PNPLA7: variants seen among roughly 807,000 people sequenced by gnomAD.
The protein encoded by PNPLA7 is patatin-like phospholipase domain-containing protein 7.
PNPLA7 carries 153 observed loss-of-function variants against 161.7 expected under a neutral mutation model. The ratio of observed to expected loss-of-function variants is 0.95; its 90% CI spans 0.83 to 1.08. The LOEUF (loss-of-function observed/expected upper bound fraction) is 1.08. Among genes scored for constraint, PNPLA7 ranks in the 50% least tolerant of loss-of-function variants. PNPLA7 has a pLI of 0.00. For synonymous variants in PNPLA7, 809 were observed against 782.1 expected (o/e 1.03, Z -0.57); for missense variants, 1,739 against 1,856.6 (o/e 0.94, Z 1.16).
At chr9:137,496,066 G>A (rs1220239974) in intron 18 of PNPLA7, among the ~76,000 whole-genome samples, 2 of 151,780 alleles carry the variant, frequency 1.3e-5, no homozygotes, top group African/African-American at 2.4e-5. Context: ...TGAAGGCCAC[G>A]CTGTCCCCAG....
rs529421114 is a variant in PNPLA7 at position 137,525,545 on chromosome 9, A to G, written c.748-2688T>C. Among the ~76,000 whole-genome samples, 7 of 152,228 alleles carry G rather than the reference A, an allele frequency of 4.6e-5. No homozygotes were observed. In the East Asian group the frequency reaches 1.3e-3, roughly 29 times the overall value. On this transcript the variant is annotated intron_variant, in intron 8 of 34. Transcript: ENST00000406427. ...TATTTGGTAGCCGAGGCGGAGAGAGAATGGGGACAGCTTATGTCATTATTT... is the reference window on the plus strand; with the variant it reads ...TATTTGGTAGCCGAGGCGGAGAGAGGATGGGGACAGCTTATGTCATTATTT...
At position 137,546,781 on chromosome 9, in the gene PNPLA7, G is replaced by A. The variant is rs150254731; in HGVS notation, c.273+49C>T. 1.2e-4 allele frequency: 196 copies of A among 1,571,086 alleles called. No individual in the cohort carries two copies. In the East Asian group the frequency reaches 4.3e-3, roughly 34 times the overall value. On this transcript the variant is annotated intron_variant, in intron 4 of 34. Transcript: ENST00000406427. The stretch of plus-strand genomic sequence containing the variant: ...AGCAGAAGGGGTCCCTCCCACAGGG[G>A]CCTGCTCGAGGAAGCCGTGTGCAGC...
At chr9:137,463,639 G>A in intron 28 of PNPLA7, 108 bp from the exon 29 acceptor site, 1 of 772,420 alleles carries the variant, frequency 1.3e-6, no homozygotes, top group Non-Finnish European at 2.1e-6. Context: ...CCAACTCTCT[G>A]AGGCCGCCTC....
rs565035892 is a variant in PNPLA7, at chr9:137,523,266, T to C, written c.748-409A>G. 6.6e-6 allele frequency among the ~76,000 whole-genome samples: 1 copy of C among 151,938 alleles called. No homozygotes were observed. The highest frequency in any genetic ancestry group is 2.4e-5 in the African/African-American group (1 of 41,406). Reference sequence around the variant, plus strand: ...TGCCAGACACCAACCTGAGCGGGCTTCCTAAAAAGGCCACCGAGAGGGTCA... The same window carrying C: ...TGCCAGACACCAACCTGAGCGGGCTCCCTAAAAAGGCCACCGAGAGGGTCA... On this transcript the variant is annotated intron_variant, in intron 8 of 34. Transcript: ENST00000406427. This position sits in a 1 kb window ranked among gnomAD's most constrained non-coding sequence, Gnocchi z 4.4.
chr9:137,485,306 T>C (rs534241292), intron 20 of PNPLA7, among the ~76,000 whole-genome samples: 2 of 151,780 alleles, frequency 1.3e-5, no homozygotes, highest in Admixed American at 6.6e-5. Flanking sequence ...TGAGGCCTCA[T>C]CGGAGTAAAC....
intron 14 of PNPLA7, 71 bp downstream of exon 14, chr9:137,505,543 C>G: frequency 1.9e-6 from 3 of 1,572,060 alleles, no homozygotes; most frequent in Non-Finnish European, 2.6e-6. Context: ...GAACCACTGC[C>G]CAACAGAGGC....
At chr9:137,494,942 G>A (rs994983910) in intron 19 of PNPLA7, 91 bp downstream of exon 19, 2 of 1,199,438 alleles carry the variant, frequency 1.7e-6, no homozygotes, top group Non-Finnish European at 2.4e-6. Flanking sequence ...CACCTGCTCT[G>A]TGCCCTCACC....
chr9:137,467,462 T>C lies in PNPLA7; in HGVS notation c.2894A>G (p.Gln965Arg). ...LGGGGARGCA[Q>R]VGVLKALAEC... Reference sequence around the variant, plus strand: ...CGCCAAGGCCTTGAGAACGCCCACCTGGGCACAGCCTCTACACCAGCCAGG... The same window carrying C: ...CGCCAAGGCCTTGAGAACGCCCACCCGGGCACAGCCTCTACACCAGCCAGG... The change falls in exon 26 of 35, where the codon CAG (glutamine) becomes CGG (arginine). Residue 965 changes from glutamine (Q) to arginine (R), a missense_variant. Transcript: ENST00000406427. The surrounding 1 kb of genome is among the most constrained non-coding windows in gnomAD (Gnocchi z 5.1). The C allele has an allele frequency of 6.2e-7, 1 of 1,612,970 alleles. No homozygotes were observed. Among genetic ancestry groups the C allele is most frequent in the Non-Finnish European group, 8.5e-7 (1 of 1,179,970 alleles).
intron 11 of PNPLA7, among the ~76,000 whole-genome samples, chr9:137,519,324 C>G (rs1008497916): frequency 6.6e-6 from 1 of 152,234 alleles, no homozygotes; most frequent in African/African-American, 2.4e-5. Context: ...AGATTCAGGC[C>G]CCCCGGTTAG....
At chr9:137,472,791 C>T (rs963191850) in intron 25 of PNPLA7, among the ~76,000 whole-genome samples, 27 of 151,582 alleles carry the variant, frequency 1.8e-4, no homozygotes, top group African/African-American at 6.1e-4. Flanking sequence ...CCGGTCTCTA[C>T]TAAAAATACA....
At chr9:137,530,020 A>G (rs1253645893) in intron 8 of PNPLA7, among the ~76,000 whole-genome samples, 1 of 151,100 alleles carries the variant, frequency 6.6e-6, no homozygotes, top group Non-Finnish European at 1.5e-5. Flanking sequence ...GCTGTGGTGC[A>G]GTGGCATGAT....
rs930412228 is a variant in PNPLA7 at position 137,523,832 on chromosome 9, G to A, written c.748-975C>T. Reference sequence around the variant, plus strand: ...TTTTTAGTAGAGACAGGGTTTCACTGTGTTAGCCAGGAGGGTCTCGATCTC... The same window carrying A: ...TTTTTAGTAGAGACAGGGTTTCACTATGTTAGCCAGGAGGGTCTCGATCTC... On this transcript the variant is annotated intron_variant, in intron 8 of 34. Transcript: ENST00000406427. The surrounding 1 kb of genome is among the most constrained non-coding windows in gnomAD (Gnocchi z 4.4). Among the ~76,000 whole-genome samples the A allele has an allele frequency of 7.9e-5, 12 of 152,012 alleles. No individual in the cohort carries two copies. The highest frequency in any genetic ancestry group is 1.9e-4 in the African/African-American group (8 of 41,396).
At chr9:137,488,540 G>T (rs899890417) in intron 20 of PNPLA7, among the ~76,000 whole-genome samples, 30 of 152,334 alleles carry the variant, frequency 2.0e-4, no homozygotes, top group Admixed American at 1.8e-3. Context: ...TGGAGAGGAA[G>T]GCAGGCTGGC....
chr9:137,534,493 C>T (rs1835782387), intron 8 of PNPLA7, among the ~76,000 whole-genome samples: 1 of 152,244 alleles, frequency 6.6e-6, no homozygotes, highest in Admixed American at 6.5e-5. Flanking sequence ...GGGAGCACTC[C>T]CAGACTCCTC....
Position 137,505,619 on chromosome 9 carries a change from G to C in PNPLA7, c.1468C>G (p.Leu490Val). 1 of 1,613,972 alleles carries C rather than the reference G, an allele frequency of 6.2e-7. No individual in the cohort carries two copies. ...TGCCCGCCGGGGCCACTCACTTCCA[G>C]CTTCATCAGGGTGAGCAGGTCCTTC... ...AKKDLLTLMKLEDSSLLDGRV... is the reference protein window; with the variant it reads ...AKKDLLTLMKVEDSSLLDGRV... The change falls in exon 14 of 35, where the codon CTG becomes GTG. Residue 490 changes from leucine (L) to valine (V), a missense_variant. Physicochemically the swap from Leu to Val is conservative, Grantham distance 32 (BLOSUM62 1). Transcript: ENST00000406427.
chr9:137,548,957 C>T (rs911913122), intron 1 of PNPLA7, among the ~76,000 whole-genome samples: 6 of 152,194 alleles, frequency 3.9e-5, no homozygotes, highest in Non-Finnish European at 7.3e-5. Context: ...GAAGCACCTA[C>T]GACCATGTCC....
intron 12 of PNPLA7, 79 bp from the exon 13 acceptor site, chr9:137,506,162 C>A: frequency 1.6e-6 from 2 of 1,223,892 alleles, no homozygotes; most frequent in Non-Finnish European, 2.3e-6. Flanking sequence ...TGAGCACACC[C>A]TGCAGTCTAA....
chr9:137,506,516 C>T (rs1467781878), intron 12 of PNPLA7, among the ~76,000 whole-genome samples: 3 of 152,164 alleles, frequency 2.0e-5, no homozygotes, highest in African/African-American at 7.2e-5. Flanking sequence ...GTGAGCTCCC[C>T]TAACGGGTGC....
chr9:137,541,484 G>A lies in PNPLA7; in HGVS notation c.667-762C>T. The A allele has an allele frequency of 1.0e-6, 1 of 985,458 alleles. No homozygotes were observed. Among genetic ancestry groups the A allele is most frequent in the Non-Finnish European group, 1.2e-6 (1 of 829,926 alleles). 61.0% of individuals were successfully genotyped at this position (985,458 alleles called of 1,614,324 possible). ...AACCCCGACAGGCAGTGCCGGAGCT[G>A]GCGTGGGATCACAGCCCACTCCCGG... On this transcript the variant is annotated intron_variant, in intron 7 of 34. Coordinates refer to ENST00000406427, the MANE Select transcript of PNPLA7 (RefSeq NM_001098537.3). The surrounding 1 kb of genome is among the most constrained non-coding windows in gnomAD (Gnocchi z 4.4).
Sources: allele counts gnomAD v4.1 joint callset (sites outside exome capture counted in the v4.1 genomes callset), GRCh38; gene constraint gnomAD v4.1.1; non-coding constraint Gnocchi (gnomAD v3.1); transcripts MANE v1.5; gene names NCBI Gene and HGNC (gene_info 2026-07-23, HGNC 2026-07-21).